The following CNTN4 variants were observed in gnomAD, a reference collection of about 807,000 sequenced individuals.
CNTN4 encodes contactin-4.
A neutral mutation model predicts 122.5 loss-of-function variants in CNTN4; 77 were observed. That is an observed-to-expected ratio of 0.63 (90% CI 0.52 to 0.76). The LOEUF (loss-of-function observed/expected upper bound fraction) is 0.76, where lower values mean the gene tolerates loss of function less well. Among genes scored for constraint, CNTN4 ranks in the 30% least tolerant of loss-of-function variants. The pLI is 0.00. For synonymous variants in CNTN4, 512 were observed against 447.0 expected, an observed-to-expected ratio of 1.15 and a Z score of -1.83; for missense variants, 1,256 against 1,259.1, an observed-to-expected ratio of 1.00 and a Z score of 0.04.
At chr3:3,024,995 T>A (rs952929353) in intron 14 of CNTN4, among the ~76,000 whole-genome samples, 10 of 152,166 alleles carry the variant, frequency 6.6e-5, no homozygotes, top group Admixed American at 1.3e-4. Flanking sequence ...ATTGGCTCGG[T>A]TTGGTTTAGT....
intron 4 of CNTN4, among the ~76,000 whole-genome samples, chr3:2,711,252 C>T (rs912251945): frequency 2.0e-5 from 3 of 152,118 alleles, no homozygotes; most frequent in Admixed American, 1.3e-4. Context: ...GATGGAGACT[C>T]GGTCAGGACT....
At chr3:2,431,604 C>A (rs897197063) in intron 3 of CNTN4, among the ~76,000 whole-genome samples, 10 of 152,124 alleles carry the variant, frequency 6.6e-5, no homozygotes, top group African/African-American at 2.4e-4. Flanking sequence ...CCAATCAACT[C>A]AGAGGGACTG....
At position 2,636,600 on chromosome 3, in the gene CNTN4, A is replaced by C. The variant is rs1022722461; in HGVS notation, c.55+65042A>C. Among the ~76,000 whole-genome samples the C allele has an allele frequency of 3.3e-5, 5 of 152,324 alleles. No individual in the cohort carries two copies. In the East Asian group the frequency reaches 5.8e-4, roughly 18 times the overall value. On this transcript the variant is annotated intron_variant, in intron 4 of 24. Transcript: ENST00000418658. The stretch of plus-strand genomic sequence containing the variant: ...TCTCCAAACTTCCCAACCCAAACTC[A>C]TATCTGTTTATTACTTTATAACTGT...
At chr3:3,028,257 G>A (rs576775457) in intron 15 of CNTN4, among the ~76,000 whole-genome samples, 16 of 152,278 alleles carry the variant, frequency 1.1e-4, no homozygotes, top group South Asian at 2.1e-4. Context: ...AACAGACTGC[G>A]GTGGTGGAAA....
At chr3:2,248,827 T>A (rs1559377935) in intron 2 of CNTN4, among the ~76,000 whole-genome samples, 2 of 151,994 alleles carry the variant, frequency 1.3e-5, no homozygotes, top group Non-Finnish European at 2.9e-5. Flanking sequence ...ATTGTTTATA[T>A]TCGTGTGGGC....
chr3:2,657,789 TAAGA>T (rs1472504394), intron 4 of CNTN4, among the ~76,000 whole-genome samples: 1 of 151,920 alleles, frequency 6.6e-6, no homozygotes, highest in Admixed American at 6.6e-5. Flanking sequence ...TATATGTTTA[TAAGA>T]AAGATTTCTT....
Position 2,555,711 on chromosome 3 carries a change from CT to C in CNTN4, c.-88-15704del, listed in dbSNP as rs2078691574. ...TGTATCAAGGCAGTGCATAGTACAACTCTAATATAGATTTATGCTGCAGAGA... is the reference window on the plus strand; with the variant it reads ...TGTATCAAGGCAGTGCATAGTACAACCTAATATAGATTTATGCTGCAGAGA... On this transcript the variant is annotated intron_variant, in intron 3 of 24. Coordinates refer to ENST00000418658, the MANE Select transcript of CNTN4 (RefSeq NM_175607.3). Among the ~76,000 whole-genome samples the C allele has an allele frequency of 3.3e-5, 5 of 152,262 alleles. No homozygotes were observed. In the South Asian group the frequency reaches 1.0e-3, roughly 32 times the overall value.
intron 2 of CNTN4, among the ~76,000 whole-genome samples, chr3:2,134,204 C>T (rs2034579693): frequency 6.6e-6 from 1 of 152,146 alleles, no homozygotes; most frequent in South Asian, 2.1e-4. Flanking sequence ...GGAAATTGTC[C>T]TCCTATTAAG....
chr3:2,529,428 C>G (rs6788062), intron 3 of CNTN4, among the ~76,000 whole-genome samples: 18,204 of 152,094 alleles, frequency 0.12, 1,375 homozygotes, highest in Non-Finnish European at 0.18. Flanking sequence ...GTGCAGACAT[C>G]TCTTTATAAT....
At chr3:2,105,238 A>G (rs111619782) in intron 2 of CNTN4, among the ~76,000 whole-genome samples, 2,073 of 152,332 alleles carry the variant, frequency 0.014, 15 homozygotes, top group Middle Eastern at 0.034. Context: ...TGCTGAGGTC[A>G]CCACATACTA....
chr3:2,569,226 G>A (rs781437687), intron 3 of CNTN4, among the ~76,000 whole-genome samples: 1 of 152,208 alleles, frequency 6.6e-6, no homozygotes, highest in Non-Finnish European at 1.5e-5. Flanking sequence ...AAAGAAAGGC[G>A]AGTTCTCTAA....
intron 2 of CNTN4, among the ~76,000 whole-genome samples, chr3:2,123,869 A>C (rs1054734992): frequency 6.6e-6 from 1 of 152,224 alleles, no homozygotes; most frequent in Non-Finnish European, 1.5e-5. Context: ...TAAAACTGAA[A>C]TGTGTGGCAA....
At position 2,684,982 on chromosome 3, in the gene CNTN4, A is replaced by G. The variant is rs200149160; in HGVS notation, c.56-51233A>G. 2.0e-5 allele frequency among the ~76,000 whole-genome samples: 3 copies of G among 152,332 alleles called. No individual in the cohort carries two copies. The East Asian group carries it at 5.8e-4, about 29-fold the overall frequency. On this transcript the variant is annotated intron_variant, in intron 4 of 24. Transcript: ENST00000418658. Reference sequence around the variant, plus strand: ...ATTTATACTTATCTGAACTTGTGAAACGTAAAGATTACATTCTTGTGAAAT... The same window carrying G: ...ATTTATACTTATCTGAACTTGTGAAGCGTAAAGATTACATTCTTGTGAAAT...
At chr3:2,747,281 T>A (rs375168112) in intron 6 of CNTN4, among the ~76,000 whole-genome samples, 8 of 150,252 alleles carry the variant, frequency 5.3e-5, no homozygotes, top group African/African-American at 7.5e-5. Flanking sequence ...CAGTGGCAGG[T>A]GCCTGTAGTC....
chr3:2,979,314 G>C (rs1693735722), intron 13 of CNTN4, among the ~76,000 whole-genome samples: 1 of 152,112 alleles, frequency 6.6e-6, no homozygotes, highest in South Asian at 2.1e-4. Flanking sequence ...GAGGTAAAAG[G>C]CTATATTTGC....
Position 2,750,137 on chromosome 3 carries a change from A to G in CNTN4, c.358+4440A>G, listed in dbSNP as rs572433582. On this transcript the variant is annotated intron_variant, in intron 6 of 24. Coordinates refer to ENST00000418658, the MANE Select transcript of CNTN4 (RefSeq NM_175607.3). Reference sequence around the variant, plus strand: ...TAACGGAATTACTCATTGTTAATACATAGTTAAGAAGCTACAGAGCCAAGG... The same window carrying G: ...TAACGGAATTACTCATTGTTAATACGTAGTTAAGAAGCTACAGAGCCAAGG... 3.3e-5 allele frequency among the ~76,000 whole-genome samples: 5 copies of G among 152,332 alleles called. No individual in the cohort carries two copies. The South Asian group carries it at 8.3e-4, about 25-fold the overall frequency.
intron 3 of CNTN4, among the ~76,000 whole-genome samples, chr3:2,538,606 G>A (rs2077904489): frequency 6.6e-6 from 1 of 152,140 alleles, no homozygotes; most frequent in South Asian, 2.1e-4. Flanking sequence ...GAGTGGTGGT[G>A]TAATCTGGTT....
At position 2,385,011 on chromosome 3, in the gene CNTN4, A is replaced by G. The variant is rs1339653197; in HGVS notation, c.-89+45778A>G. 6.6e-6 allele frequency among the ~76,000 whole-genome samples: 1 copy of G among 151,496 alleles called. No homozygotes were observed. Among genetic ancestry groups the G allele is most frequent in the Non-Finnish European group, 1.5e-5 (1 of 67,854 alleles). On this transcript the variant is annotated intron_variant, in intron 3 of 24. Coordinates refer to ENST00000418658, the MANE Select transcript of CNTN4 (RefSeq NM_175607.3). The surrounding 1 kb of genome is among the most constrained non-coding windows in gnomAD (Gnocchi z 4.0). ...TGTTGGTTTTACTGCCTCCATTCAG[A>G]TCCTCCTTTTCTCTCTTGCTTCGCC...
intron 4 of CNTN4, 184 bp from the exon 5 acceptor site, chr3:2,736,028 TTCA>T: frequency 1.4e-6 from 1 of 732,480 alleles, no homozygotes; most frequent in Non-Finnish European, 2.5e-6. Flanking sequence ...ATATTTTCAC[TTCA>T]TCATAATCCA....
Sources: allele counts gnomAD v4.1 joint callset (sites outside exome capture counted in the v4.1 genomes callset), GRCh38; gene constraint gnomAD v4.1.1; non-coding constraint Gnocchi (gnomAD v3.1); transcripts MANE v1.5; gene names NCBI Gene and HGNC (gene_info 2026-07-23, HGNC 2026-07-21).